Variants in GNL3 observed in about 807,000 individuals in gnomAD.
GNL3 encodes the protein G protein nucleolar 3.
In GNL3, 77 loss-of-function variants were observed where a neutral mutation model predicts 70.6. The ratio of observed to expected loss-of-function variants is 1.09; its 90% confidence interval spans 0.91 to 1.32. The LOEUF is 1.32. Among genes scored for constraint, GNL3 ranks in the 40% most tolerant of loss-of-function variants. The probability of loss-of-function intolerance (pLI) is 0.00; values close to 1 mark genes in which losing one functional copy is unlikely to be tolerated. For synonymous variants in GNL3, 252 were observed against 216.1 expected (o/e 1.17, Z -1.46); for missense variants, 634 against 644.0 (o/e 0.98, Z 0.17).
At chr3:52,693,359 T>A (rs2097329235) in intron 11 of GNL3, 30 bp downstream of exon 11, 2 of 1,613,704 alleles carry the variant, frequency 1.2e-6, no homozygotes, top group Non-Finnish European at 1.7e-6. Context: ...GGCATTTTGG[T>A]GACCACTAGA....
rs139250575 is a variant in GNL3 at position 52,693,448 on chromosome 3, ACTC to A, written c.1236_1238del (p.Pro413del). 3.0e-5 allele frequency: 48 copies of A among 1,613,718 alleles called. No homozygotes were observed. In the East Asian group the frequency reaches 4.2e-4, roughly 14 times the overall value. On this transcript the variant is annotated inframe_deletion, in exon 12 of 15. Transcript: ENST00000418458. ...CTATTGCCATCCCCCTACATCTTGG[ACTC>A]CTCCTCCATATTTTAATGAGAGTAT...
chr3:52,693,101 A>AT, intron 10 of GNL3, 55 bp downstream of exon 10: 1 of 1,600,882 alleles, frequency 6.2e-7, no homozygotes. Flanking sequence ...CATCATAAGC[A>AT]TTTTGAGTAG....
chr3:52,686,346 G>A (rs943006091), intron 1 of GNL3: 1 of 594,530 alleles, frequency 1.7e-6, no homozygotes, highest in East Asian at 2.8e-5. Context: ...GACTAGGCTA[G>A]ATTTTCGTAA....
chr3:52,689,846 G>A (rs1206379442), intron 6 of GNL3, among the ~76,000 whole-genome samples: 1 of 152,168 alleles, frequency 6.6e-6, no homozygotes. Flanking sequence ...CAGCTACTCG[G>A]AAGGCTGAGG....
Position 52,694,389 on chromosome 3 carries a change from T to C in GNL3, c.*114T>C, listed in dbSNP as rs982190061. On this transcript the variant is annotated 3_prime_UTR_variant, in exon 15 of 15. Transcript: ENST00000418458. ...GTGTAAATTTTGTGAATATGTATTATATTAAAACCAGGCAACTTGGAATCC... is the reference window on the plus strand; with the variant it reads ...GTGTAAATTTTGTGAATATGTATTACATTAAAACCAGGCAACTTGGAATCC... 1.6e-6 allele frequency: 1 copy of C among 623,944 alleles called. No homozygotes were observed. The highest frequency in any genetic ancestry group is 2.8e-6 in the Non-Finnish European group (1 of 353,266). 38.7% of individuals were successfully genotyped at this position (623,944 alleles called of 1,614,324 possible).
chr3:52,692,999 C>G lies in GNL3; in HGVS notation c.997C>G (p.Pro333Ala). 1 of 1,614,198 alleles carries G rather than the reference C, an allele frequency of 6.2e-7. No individual in the cohort carries two copies. Residue 333 changes from proline to alanine, a missense_variant, in exon 10 of 15, where the codon CCG becomes GCG. Coordinates refer to ENST00000418458, the MANE Select transcript of GNL3 (RefSeq NM_014366.5). ...RSPASIEVVK[P>A]MEAASAILSQ... is the part of the protein sequence containing the mutation. ...TCCAGCAAGTATTGAAGTAGTAAAACCGATGGAGGCTGCCAGTGCCATCCT... is the reference window on the plus strand; with the variant it reads ...TCCAGCAAGTATTGAAGTAGTAAAAGCGATGGAGGCTGCCAGTGCCATCCT...
chr3:52,690,578 C>CT lies in GNL3; in HGVS notation c.542-13dup. 3.4e-6 allele frequency: 5 copies of CT among 1,469,374 alleles called. No individual in the cohort carries two copies. Among genetic ancestry groups the CT allele is most frequent in the Non-Finnish European group, 3.8e-6 (4 of 1,048,222 alleles). 91.0% of individuals were successfully genotyped at this position (1,469,374 alleles called of 1,614,324 possible). On this transcript the variant is annotated splice_polypyrimidine_tract_variant and intron_variant, in intron 6 of 14. Coordinates refer to ENST00000418458, the MANE Select transcript of GNL3 (RefSeq NM_014366.5). ...GTGCCTGGCCGCAAATGTCTTATTT[C>CT]TAATTGCTATCAGATCTGGTACCAA...
Position 52,694,189 on chromosome 3 carries a change from A to G in GNL3, c.1568-4A>G, listed in dbSNP as rs765951131. On this transcript the variant is annotated splice_region_variant and splice_polypyrimidine_tract_variant and intron_variant, in intron 14 of 14. Coordinates refer to ENST00000418458, the MANE Select transcript of GNL3 (RefSeq NM_014366.5). ...GAAAATCTCTTTATTTTCCTGCAAT[A>G]TAGGTGAACAGTCTACAAGGTCTTT... The G allele has an allele frequency of 1.3e-5, 21 of 1,600,768 alleles. No homozygotes were observed. Among genetic ancestry groups the G allele is most frequent in the Non-Finnish European group, 1.7e-5 (20 of 1,168,120 alleles).
At chr3:52,690,775 CTTGAT>C in intron 7 of GNL3, 71 bp downstream of exon 7, 1 of 1,167,978 alleles carries the variant, frequency 8.6e-7, no homozygotes, top group Non-Finnish European at 1.3e-6. Flanking sequence ...TGTACAAAAT[CTTGAT>C]TTAAGTGAAT....
At chr3:52,692,532 G>T (rs573094194) in intron 9 of GNL3, among the ~76,000 whole-genome samples, 1 of 151,834 alleles carries the variant, frequency 6.6e-6, no homozygotes, top group African/African-American at 2.4e-5. Flanking sequence ...GGCCAGGCTG[G>T]TCTCAAACTC....
chr3:52,691,011 TGGAAACTTCTTGGAGGTTTTCA>T lies in GNL3; in HGVS notation c.730_751del (p.Leu244AlafsTer9), dbSNP rs754829443. 2 of 1,613,852 alleles carry T rather than the reference TGGAAACTTCTTGGAGGTTTTCA, an allele frequency of 1.2e-6. No individual in the cohort carries two copies. Among genetic ancestry groups the T allele is most frequent in the South Asian group, 2.2e-5 (2 of 91,078 alleles). ...AGTCTGCTTTGGGAAAGAGGGCCTT[TGGAAACTTCTTGGAGGTTTTCA>T]GGAAACTTGCAGCAAAGCCATTCGG... On this transcript the variant is annotated frameshift_variant, in exon 8 of 15. Transcript: ENST00000418458. LOFTEE classifies it high-confidence loss of function.
In GNL3 at chr3:52,693,229, G is replaced by C. The variant is rs375453636; in HGVS notation, c.1087G>C (p.Glu363Gln). 1.2e-4 allele frequency: 195 copies of C among 1,613,762 alleles called. 3 individuals carry two copies. In the Middle Eastern group the frequency reaches 2.8e-3, roughly 23 times the overall value. ...TGTCCCAGGCTACAGGAATTCTCTG[G>C]AATTTTTTACTGTGCTTGCTCAGAG... ...YTVPGYRNSLEFFTVLAQRRG... is the reference protein window; with the variant it reads ...YTVPGYRNSLQFFTVLAQRRG... Residue 363 changes from glutamate (E) to glutamine (Q), a missense_variant, in exon 11 of 15, where the codon GAA (glutamate) becomes CAA (glutamine). By Grantham distance (29) the Glu-to-Gln change is conservative. Transcript: ENST00000418458.
chr3:52,690,483 T>C (rs1277338214), intron 6 of GNL3, 109 bp from the exon 7 acceptor site: 2 of 673,410 alleles, frequency 3.0e-6, no homozygotes, highest in Non-Finnish European at 5.4e-6. Flanking sequence ...CAGGATGGTC[T>C]TGATCTCCTG....
intron 9 of GNL3, 68 bp from the exon 10 acceptor site, chr3:52,692,804 C>T (rs2097328616): frequency 1.6e-6 from 2 of 1,231,890 alleles, no homozygotes; most frequent in Non-Finnish European, 2.4e-6. Flanking sequence ...CAACCCTGAG[C>T]TTCATGTTCT....
At chr3:52,689,345 C>T (rs756862702) in intron 6 of GNL3, 139 bp downstream of exon 6, 14 of 842,940 alleles carry the variant, frequency 1.7e-5, no homozygotes, top group Non-Finnish European at 2.4e-5. Context: ...AGAGACAGTG[C>T]TAGGCAGTGG....
rs1426858852 is a variant in GNL3 at position 52,694,459 on chromosome 3, A to AGTTAT, written c.*185_*189dup. ...AATTCATCTCATTGTGAGTGGAAGT[A>AGTTAT]GTTATCTGGAATAAAAAAAGAAGAT... On this transcript the variant is annotated 3_prime_UTR_variant, in exon 15 of 15. Transcript: ENST00000418458. 1 of 583,128 alleles carries AGTTAT rather than the reference A, an allele frequency of 1.7e-6. No homozygotes were observed. The highest frequency in any genetic ancestry group is 3.0e-6 in the Non-Finnish European group (1 of 328,894). 36.1% of individuals were successfully genotyped at this position (583,128 alleles called of 1,614,324 possible).
intron 6 of GNL3, among the ~76,000 whole-genome samples, chr3:52,690,266 T>C (rs1328892947): frequency 6.6e-6 from 1 of 152,138 alleles, no homozygotes; most frequent in Non-Finnish European, 1.5e-5. Flanking sequence ...AATGTCTTTT[T>C]CTTTTTTTCT....
intron 9 of GNL3, among the ~76,000 whole-genome samples, chr3:52,692,241 G>A (rs1277388563): frequency 2.0e-5 from 3 of 152,040 alleles, no homozygotes; most frequent in Non-Finnish European, 4.4e-5. Flanking sequence ...ATAGAGATGG[G>A]GTTTCACTGT....
rs758964197 is a variant in GNL3, at chr3:52,687,549, A to G, written c.258A>G (p.Leu86=). Residue 86 remains leucine, a synonymous_variant, in exon 4 of 15, where the codon CTA becomes CTG. Coordinates refer to ENST00000418458, the MANE Select transcript of GNL3 (RefSeq NM_014366.5). ...AGAAACTTGACAGGCAGAAGGAACT[A>G]GAAAAGAAAAGAAAACTTGAAACTA... The part of the protein sequence containing the change: ...QQQKLDRQKE[L]EKKRKLETNP... 5 of 1,613,470 alleles carry G rather than the reference A, an allele frequency of 3.1e-6. No homozygotes were observed. Among genetic ancestry groups the G allele is most frequent in the Non-Finnish European group, 4.2e-6 (5 of 1,179,348 alleles).
Sources: allele counts gnomAD v4.1 joint callset (sites outside exome capture counted in the v4.1 genomes callset), GRCh38; gene constraint gnomAD v4.1.1; transcripts MANE v1.5; gene names NCBI Gene and HGNC (gene_info 2026-07-23, HGNC 2026-07-21).